PRKN: variants seen among roughly 807,000 people sequenced by gnomAD.
PRKN encodes E3 ubiquitin-protein ligase parkin.
PRKN carries 56 observed loss-of-function variants against 59.5 expected under a neutral mutation model. That is an observed-to-expected ratio of 0.94 (90% CI 0.76 to 1.18). The LOEUF (loss-of-function observed/expected upper bound fraction) is 1.18. PRKN is among the 50% of genes most tolerant of loss of function. PRKN has a pLI of 0.00. For missense variants in PRKN, 657 were observed against 596.4 expected, an observed-to-expected ratio of 1.10 and a Z score of -1.06; for synonymous variants, 250 against 222.1, an observed-to-expected ratio of 1.13 and a Z score of -1.12.
intron 7 of PRKN, among the ~76,000 whole-genome samples, chr6:161,705,185 C>T (rs186041961): frequency 3.2e-4 from 48 of 152,220 alleles, no homozygotes; most frequent in Middle Eastern, 3.4e-3. Flanking sequence ...ATGGGATTAC[C>T]TCCCAATAAG....
intron 3 of PRKN, among the ~76,000 whole-genome samples, chr6:162,210,479 C>T (rs1392298349): frequency 6.6e-6 from 1 of 152,166 alleles, no homozygotes; most frequent in Non-Finnish European, 1.5e-5. Context: ...CAGGTGGCTA[C>T]TTTCCTGTTT....
rs1160353950 is a variant in PRKN, at chr6:161,953,872, G to C, written c.734+19430C>G. Among the ~76,000 whole-genome samples the C allele has an allele frequency of 6.6e-5, 10 of 152,316 alleles. No individual in the cohort carries two copies. In the East Asian group the frequency reaches 1.9e-3, roughly 29 times the overall value. The stretch of plus-strand genomic sequence containing the variant: ...ACTTATAATCAGTGGTACTGAGGCA[G>C]AATGGGGCGCACCTAGGAATACACA... On this transcript the variant is annotated intron_variant, in intron 6 of 11. Coordinates refer to ENST00000366898, the MANE Select transcript of PRKN (RefSeq NM_004562.3).
intron 1 of PRKN, among the ~76,000 whole-genome samples, chr6:162,716,777 C>T (rs1037589661): frequency 5.6e-5 from 7 of 125,694 alleles, no homozygotes; most frequent in African/African-American, 2.3e-4. Flanking sequence ...CGCACGCACA[C>T]ACACACGCGC....
At chr6:162,126,123 C>T (rs1249933805) in intron 4 of PRKN, among the ~76,000 whole-genome samples, 1 of 152,142 alleles carries the variant, frequency 6.6e-6, no homozygotes, top group East Asian at 1.9e-4. Context: ...TGTTTTAACA[C>T]TGTGAAAAAG....
At chr6:161,902,546 C>T (rs980248167) in intron 6 of PRKN, among the ~76,000 whole-genome samples, 7 of 100,282 alleles carry the variant, frequency 7.0e-5, no homozygotes, top group African/African-American at 1.7e-4. Flanking sequence ...ATCTATCTAT[C>T]TATTTATTTA....
chr6:162,414,122 G>C (rs1352893311), intron 2 of PRKN, among the ~76,000 whole-genome samples: 16 of 152,220 alleles, frequency 1.1e-4, no homozygotes, highest in Non-Finnish European at 7.4e-5. Context: ...GGTGGAGACT[G>C]CAGTGAGCTG....
At chr6:162,422,901 G>A (rs748313731) in intron 2 of PRKN, among the ~76,000 whole-genome samples, 14 of 142,574 alleles carry the variant, frequency 9.8e-5, no homozygotes, top group African/African-American at 2.4e-4. Context: ...AGCCGAGATC[G>A]CGCCACTGCG....
intron 7 of PRKN, among the ~76,000 whole-genome samples, chr6:161,674,695 T>G (rs1253025573): frequency 6.6e-6 from 1 of 152,208 alleles, no homozygotes; most frequent in Non-Finnish European, 1.5e-5. Context: ...CTGATGCTAT[T>G]TTTTCCTTCT....
At chr6:161,910,323 C>T (rs1477518105) in intron 6 of PRKN, among the ~76,000 whole-genome samples, 1 of 152,126 alleles carries the variant, frequency 6.6e-6, no homozygotes, top group Non-Finnish European at 1.5e-5. Context: ...GGCACAATCT[C>T]GACTCACCAC....
intron 1 of PRKN, among the ~76,000 whole-genome samples, chr6:162,594,842 CCTTT>C (rs1781440319): frequency 6.6e-6 from 1 of 152,188 alleles, no homozygotes; most frequent in Admixed American, 6.5e-5. Context: ...TTAAGCTCTT[CCTTT>C]CTTAGAGCTT....
At chr6:162,003,005 T>G (rs1015945029) in intron 5 of PRKN, among the ~76,000 whole-genome samples, 33 of 152,092 alleles carry the variant, frequency 2.2e-4, no homozygotes, top group African/African-American at 7.0e-4. Context: ...CTTTTAAATT[T>G]GTAAAGGTGG....
intron 6 of PRKN, among the ~76,000 whole-genome samples, chr6:161,945,183 T>C (rs993796381): frequency 9.9e-5 from 15 of 152,132 alleles, no homozygotes; most frequent in African/African-American, 3.4e-4. Context: ...TGGAAGTTTT[T>C]CAAAATAAGC....
rs1199640245 is a variant in PRKN at position 161,378,449 on chromosome 6, G to A, written c.1167+8345C>T. ...CTGTGTGTCCTCCACTCCTCGAGGA[G>A]ACCAACTAACTGGCCAGTGGGTGTC... is the stretch of plus-strand genomic sequence containing the variant. On this transcript the variant is annotated intron_variant, in intron 10 of 11. Coordinates refer to ENST00000366898, the MANE Select transcript of PRKN (RefSeq NM_004562.3). This position sits in a 1 kb window ranked among gnomAD's most constrained non-coding sequence, Gnocchi z 7.3. Among the ~76,000 whole-genome samples the A allele has an allele frequency of 6.6e-6, 1 of 152,182 alleles. No homozygotes were observed. Among genetic ancestry groups the A allele is most frequent in the East Asian group, 1.9e-4 (1 of 5,178 alleles).
At chr6:161,834,782 G>A (rs748334937) in intron 6 of PRKN, among the ~76,000 whole-genome samples, 1 of 152,214 alleles carries the variant, frequency 6.6e-6, no homozygotes, top group Non-Finnish European at 1.5e-5. Flanking sequence ...TCTCAGGGTG[G>A]CTGCGATGGG....
chr6:162,319,798 C>T (rs1043260001), intron 2 of PRKN, among the ~76,000 whole-genome samples: 3 of 151,922 alleles, frequency 2.0e-5, no homozygotes, highest in African/African-American at 7.2e-5. Flanking sequence ...AATACATACA[C>T]AAATACACAA....
intron 7 of PRKN, among the ~76,000 whole-genome samples, chr6:161,773,611 T>A (rs2128203553): frequency 6.6e-6 from 1 of 152,320 alleles, no homozygotes; most frequent in Admixed American, 6.5e-5. Flanking sequence ...CTGACAGACA[T>A]CTTTCCACAT....
intron 9 of PRKN, among the ~76,000 whole-genome samples, chr6:161,485,712 T>C (rs1791616768): frequency 6.6e-6 from 1 of 152,006 alleles, no homozygotes; most frequent in South Asian, 2.1e-4. Flanking sequence ...AAAATTCAAG[T>C]AGAGAGAGGT....
chr6:161,667,147 C>T (rs1385208446), intron 7 of PRKN, among the ~76,000 whole-genome samples: 1 of 152,196 alleles, frequency 6.6e-6, no homozygotes, highest in Non-Finnish European at 1.5e-5. Context: ...CTTTTCCAAA[C>T]CCAACTCAAT....
At chr6:162,419,490 T>C (rs1562751097) in intron 2 of PRKN, among the ~76,000 whole-genome samples, 2 of 152,074 alleles carry the variant, frequency 1.3e-5, no homozygotes, top group South Asian at 4.2e-4. Flanking sequence ...ACTATTCTCA[T>C]TGCTCAGATG....
Sources: gnomAD v4.1 joint callset for allele counts (sites outside exome capture counted in the v4.1 genomes callset) on GRCh38, gnomAD v4.1.1 for gene constraint, Gnocchi (gnomAD v3.1) non-coding constraint, MANE v1.5 for transcripts, NCBI Gene and HGNC (gene_info 2026-07-23, HGNC 2026-07-21) for gene names.